Variants in MORN1 observed in about 807,000 individuals in gnomAD.
MORN1 encodes MORN repeat-containing protein 1.
Under a neutral mutation model 61.9 loss-of-function variants are expected in MORN1, and 67 were observed. That is an observed-to-expected ratio of 1.08 (90% CI 0.89 to 1.33). The LOEUF is 1.33. Ranked by LOEUF, MORN1 falls within the 40% of genes most tolerant of loss-of-function variation. The pLI is 0.00. For synonymous variants in MORN1, 301 were observed against 292.0 expected (o/e 1.03, Z -0.31); for missense variants, 752 against 691.2 (o/e 1.09, Z -0.99).
chr1:2,322,483 C>T (rs866697147), intron 13 of MORN1: 13 of 985,222 alleles, frequency 1.3e-5, no homozygotes, highest in East Asian at 1.1e-4. Flanking sequence ...GCCGCCTGTG[C>T]GTTCCCAGGG....
At chr1:2,323,798 C>G in intron 13 of MORN1, 1 of 985,354 alleles carries the variant, frequency 1.0e-6, no homozygotes, top group Non-Finnish European at 1.2e-6. Flanking sequence ...CCCAAGGCCT[C>G]CGAGTCCCCG....
At chr1:2,367,610 G>A (rs113068178) in intron 8 of MORN1, among the ~76,000 whole-genome samples, 130 of 152,240 alleles carry the variant, frequency 8.5e-4, no homozygotes, top group African/African-American at 2.9e-3. Context: ...AATACCGAAC[G>A]GTTCACAGTC....
chr1:2,327,151 A>AACACAGAGACACAGAAACAC (rs149761185), intron 12 of MORN1, among the ~76,000 whole-genome samples: 1 of 118,632 alleles, frequency 8.4e-6, no homozygotes, highest in Non-Finnish European at 1.9e-5. Context: ...GAGACACAGA[A>AACACAGAGACACAGAAACAC]ACAGAAACAC....
intron 6 of MORN1, chr1:2,378,613 C>T (rs1248292669): frequency 3.3e-5 from 9 of 275,622 alleles, no homozygotes; most frequent in Non-Finnish European, 5.7e-5. Flanking sequence ...ACAGCCAACA[C>T]TCACGGCGCA....
intron 8 of MORN1, among the ~76,000 whole-genome samples, chr1:2,370,188 C>T (rs1236764713): frequency 6.6e-6 from 1 of 152,208 alleles, no homozygotes; most frequent in Non-Finnish European, 1.5e-5. Flanking sequence ...CAGGCATCAA[C>T]CCTGACTCTT....
chr1:2,326,197 AGAAT>A (rs1641022841), intron 12 of MORN1: 1 of 152,246 alleles, frequency 6.6e-6, no homozygotes, highest in African/African-American at 2.4e-5. Context: ...TGGGTGAAAA[AGAAT>A]GAAAGACAAG....
chr1:2,333,631 T>C (rs80107522), intron 12 of MORN1, among the ~76,000 whole-genome samples: 29,685 of 152,158 alleles, frequency 0.2, 3,139 homozygotes, highest in South Asian at 0.25. Flanking sequence ...GGCTGGAGCC[T>C]GAGGGTGCGC....
intron 8 of MORN1, among the ~76,000 whole-genome samples, chr1:2,367,872 A>G (rs12071572): frequency 0.37 from 56,653 of 151,902 alleles, 10,652 homozygotes; most frequent in South Asian, 0.45. Context: ...CAGGTGATCC[A>G]CCTGCCTTGG....
intron 8 of MORN1, among the ~76,000 whole-genome samples, chr1:2,370,694 G>A (rs553973356): frequency 1.5e-4 from 21 of 139,988 alleles, no homozygotes; most frequent in African/African-American, 5.6e-4. Context: ...TTTTTTAAAT[G>A]AGACAGGGTC....
Position 2,372,729 on chromosome 1 carries a change from GACCCTCCGCAAACC to G in MORN1, c.635-152_635-139del, listed in dbSNP as rs1449312900. The G allele has an allele frequency of 2.6e-5, 16 of 624,732 alleles. No homozygotes were observed. In the South Asian group the frequency reaches 2.9e-4, roughly 11 times the overall value. 38.7% of individuals were successfully genotyped at this position (624,732 alleles called of 1,614,324 possible). ...TGGAACACAAGCACATGCGGGGGCC[GACCCTCCGCAAACC>G]ACCTTGCAGAGCAGCGACCTGGGCA... On this transcript the variant is annotated intron_variant, in intron 7 of 13. Coordinates refer to ENST00000378531, the MANE Select transcript of MORN1 (RefSeq NM_024848.3). This position sits in a 1 kb window ranked among gnomAD's most constrained non-coding sequence, Gnocchi z 5.4.
At chr1:2,348,097 C>T (rs527264873) in intron 10 of MORN1, among the ~76,000 whole-genome samples, 91 of 152,326 alleles carry the variant, frequency 6.0e-4, no homozygotes, top group Non-Finnish European at 1.1e-3. Flanking sequence ...CACATTGCAG[C>T]GAGCTCTCAT....
At chr1:2,360,329 C>T (rs1033969300) in intron 8 of MORN1, among the ~76,000 whole-genome samples, 1 of 152,196 alleles carries the variant, frequency 6.6e-6, no homozygotes, top group African/African-American at 2.4e-5. Flanking sequence ...TCGATTGACA[C>T]CCCTGGTTCC....
intron 10 of MORN1, among the ~76,000 whole-genome samples, chr1:2,349,974 T>C (rs1641610546): frequency 6.6e-6 from 1 of 152,178 alleles, no homozygotes; most frequent in South Asian, 2.1e-4. Context: ...TCACAGGGGA[T>C]TGTTTGAGGC....
At chr1:2,345,159 T>A (rs955506009) in intron 10 of MORN1, among the ~76,000 whole-genome samples, 5 of 151,974 alleles carry the variant, frequency 3.3e-5, no homozygotes, top group Non-Finnish European at 5.9e-5. Flanking sequence ...AGGGTCCACG[T>A]GTGCTCACCT....
intron 12 of MORN1, among the ~76,000 whole-genome samples, chr1:2,325,144 C>T (rs1401404374): frequency 2.7e-4 from 24 of 89,856 alleles, no homozygotes; most frequent in African/African-American, 4.1e-4. Flanking sequence ...CCCTCCCTCC[C>T]TCCCTTCCTT....
chr1:2,335,835 GCCCA>G (rs1298155159), intron 12 of MORN1, among the ~76,000 whole-genome samples: 2 of 151,224 alleles, frequency 1.3e-5, no homozygotes, highest in African/African-American at 2.5e-5. Context: ...CCATAGCCCA[GCCCA>G]GCCCAGCGCG....
chr1:2,355,080 G>T, intron 10 of MORN1: 1 of 879,720 alleles, frequency 1.1e-6, no homozygotes, highest in Non-Finnish European at 1.4e-6. Context: ...GGGCCGGCGC[G>T]GGGGGCCCGC....
chr1:2,385,259 C>T (rs909542676), intron 5 of MORN1, 194 bp from the exon 6 acceptor site: 18 of 600,326 alleles, frequency 3.0e-5, no homozygotes, highest in African/African-American at 2.0e-4. Flanking sequence ...GGGACACGTC[C>T]GCCCACCCCC....
chr1:2,378,341 C>T (rs1200868748), intron 6 of MORN1: 1 of 153,328 alleles, frequency 6.5e-6, no homozygotes, highest in African/African-American at 2.4e-5. Context: ...CTACATGATT[C>T]TCAGTGTTAC....
Sources: gnomAD v4.1 joint callset for allele counts (sites outside exome capture counted in the v4.1 genomes callset) on GRCh38, gnomAD v4.1.1 for gene constraint, Gnocchi (gnomAD v3.1) non-coding constraint, MANE v1.5 for transcripts, NCBI Gene and HGNC (gene_info 2026-07-23, HGNC 2026-07-21) for gene names.